GFOD1: variants seen among roughly 807,000 people sequenced by gnomAD.
GFOD1 encodes the protein glucose-fructose oxidoreductase domain-containing protein 1.
In GFOD1, 9 loss-of-function variants were observed where a neutral mutation model predicts 25.4. The observed-to-expected ratio is 0.35, with a 90% CI of 0.21 to 0.62. The LOEUF is 0.62. GFOD1 is among the 20% of genes least tolerant of loss of function. The probability of loss-of-function intolerance (pLI) is 0.72; values close to 1 mark genes in which losing one functional copy is unlikely to be tolerated. For synonymous variants in GFOD1, 253 were observed against 245.6 expected (o/e 1.03, Z -0.28); for missense variants, 403 against 556.9 (o/e 0.72, Z 2.78).
intron 1 of GFOD1, among the ~76,000 whole-genome samples, chr6:13,399,233 G>T (rs924739916): frequency 6.6e-6 from 1 of 152,006 alleles, no homozygotes; most frequent in African/African-American, 2.4e-5. Context: ...GACTGGTCTC[G>T]AACTCCTGGA....
intron 1 of GFOD1, among the ~76,000 whole-genome samples, chr6:13,424,104 C>T (rs1014485136): frequency 2.6e-5 from 4 of 152,138 alleles, no homozygotes; most frequent in Non-Finnish European, 4.4e-5. Context: ...GTGATCCACC[C>T]GCCTCAGCCT....
rs1757723603 is a variant in GFOD1, at chr6:13,430,194, T to G, written c.253+56444A>C. Among the ~76,000 whole-genome samples the G allele has an allele frequency of 6.6e-6, 1 of 152,130 alleles. No homozygotes were observed. The highest frequency in any genetic ancestry group is 1.5e-5 in the Non-Finnish European group (1 of 68,020). ...GCTCATGCCTGTAACCCCAGCACTT[T>G]GGGAAGCAGAGGCGGGTGGATGACT... On this transcript the variant is annotated intron_variant, in intron 1 of 1. Coordinates refer to ENST00000379287, the MANE Select transcript of GFOD1 (RefSeq NM_018988.4). This position sits in a 1 kb window ranked among gnomAD's most constrained non-coding sequence, Gnocchi z 4.1.
chr6:13,372,069 C>A (rs146792888), intron 1 of GFOD1, among the ~76,000 whole-genome samples: 1 of 152,220 alleles, frequency 6.6e-6, no homozygotes, highest in African/African-American at 2.4e-5. Flanking sequence ...CTTGAACCAA[C>A]TTAAAATTTT....
chr6:13,431,409 C>T (rs1333572511), intron 1 of GFOD1, among the ~76,000 whole-genome samples: 10 of 152,236 alleles, frequency 6.6e-5, no homozygotes, highest in African/African-American at 1.9e-4. Context: ...ATTCTCTCCT[C>T]GTCCAAAAGG....
At chr6:13,366,600 C>T (rs1034047217) in intron 1 of GFOD1, among the ~76,000 whole-genome samples, 1 of 151,690 alleles carries the variant, frequency 6.6e-6, no homozygotes, top group Non-Finnish European at 1.5e-5. Flanking sequence ...TCCCAAAGTT[C>T]TGGGATTACA....
At chr6:13,435,962 G>C (rs544425931) in intron 1 of GFOD1, among the ~76,000 whole-genome samples, 25 of 152,152 alleles carry the variant, frequency 1.6e-4, no homozygotes, top group Non-Finnish European at 2.6e-4. Flanking sequence ...TCTCTTACAT[G>C]AGTAGAATAT....
At chr6:13,425,883 A>G (rs1490248299) in intron 1 of GFOD1, among the ~76,000 whole-genome samples, 3 of 151,338 alleles carry the variant, frequency 2.0e-5, no homozygotes, top group Admixed American at 6.6e-5. Flanking sequence ...AAAAAAAAAA[A>G]AAGAAGAAGA....
At chr6:13,441,745 A>T (rs1294647580) in intron 1 of GFOD1, among the ~76,000 whole-genome samples, 1 of 152,252 alleles carries the variant, frequency 6.6e-6, no homozygotes, top group East Asian at 1.9e-4. Context: ...ATATCACCAA[A>T]CTTCTAAATA....
At chr6:13,469,885 A>G (rs1758453494) in intron 1 of GFOD1, 3 of 1,267,808 alleles carry the variant, frequency 2.4e-6, no homozygotes, top group Non-Finnish European at 3.1e-6. Flanking sequence ...TCTCACACCA[A>G]ATCTGGCACA....
intron 1 of GFOD1, among the ~76,000 whole-genome samples, chr6:13,418,999 C>T (rs1442200001): frequency 6.6e-6 from 1 of 152,168 alleles, no homozygotes; most frequent in Non-Finnish European, 1.5e-5. Flanking sequence ...GTTTCCTGGT[C>T]AGATCATGGA....
chr6:13,454,574 C>CA (rs777800707), intron 1 of GFOD1, among the ~76,000 whole-genome samples: 2 of 152,146 alleles, frequency 1.3e-5, no homozygotes, highest in Non-Finnish European at 2.9e-5. Flanking sequence ...ACTAGAAACC[C>CA]AAAAAACCAA....
At chr6:13,422,875 G>C (rs571443133) in intron 1 of GFOD1, among the ~76,000 whole-genome samples, 1 of 152,294 alleles carries the variant, frequency 6.6e-6, no homozygotes, top group South Asian at 2.1e-4. Context: ...CTGGAAATTC[G>C]GTGTGGCGAG....
intron 1 of GFOD1, among the ~76,000 whole-genome samples, chr6:13,455,831 C>T (rs929255316): frequency 2.0e-5 from 3 of 152,190 alleles, no homozygotes; most frequent in Middle Eastern, 3.2e-3. Context: ...ACTCATTACC[C>T]GGAGCATCCT....
chr6:13,428,748 G>T (rs1179902736), intron 1 of GFOD1, among the ~76,000 whole-genome samples: 4 of 152,106 alleles, frequency 2.6e-5, no homozygotes, highest in Non-Finnish European at 5.9e-5. Context: ...GTACTTCTGC[G>T]GCCACTCTCA....
chr6:13,469,311 T>C (rs1758435389), intron 1 of GFOD1: 8 of 982,860 alleles, frequency 8.1e-6, no homozygotes, highest in Non-Finnish European at 9.7e-6. Flanking sequence ...TATTTTAGCC[T>C]CTTCAAAAAT....
chr6:13,391,675 C>T (rs1431389713), intron 1 of GFOD1, among the ~76,000 whole-genome samples: 1 of 152,124 alleles, frequency 6.6e-6, no homozygotes. Context: ...TGCCAGCAGG[C>T]GAGCCAGACC....
rs1205203384 is a variant in GFOD1, at chr6:13,365,589, G to A, written c.327C>T (p.His109=). The change falls in exon 2 of 2, where the codon CAC becomes CAT. Residue 109 remains histidine (H), a synonymous_variant. Transcript: ENST00000379287. This position sits in a 1 kb window ranked among gnomAD's most constrained non-coding sequence, Gnocchi z 9.2. ...TGATGCTCATGAGCTTGGGGTAGTA[G>A]TGGGCGGCCGAGGTCATGCGGAAAG... ...LDAFRMTSAA[H]YYPKLMSIMG... is the part of the protein sequence containing the mutation. 6.2e-7 allele frequency: 1 copy of A among 1,607,596 alleles called. No individual in the cohort carries two copies. The highest frequency in any genetic ancestry group is 1.6e-4 in the Middle Eastern group (1 of 6,062).
At chr6:13,370,751 T>C (rs1027875956) in intron 1 of GFOD1, among the ~76,000 whole-genome samples, 2 of 152,052 alleles carry the variant, frequency 1.3e-5, no homozygotes, top group Admixed American at 6.6e-5. Context: ...GTAGGTGGAT[T>C]AGTGTGGCAC....
intron 1 of GFOD1, among the ~76,000 whole-genome samples, chr6:13,391,183 T>C (rs1785597556): frequency 6.6e-6 from 1 of 152,158 alleles, no homozygotes; most frequent in Non-Finnish European, 1.5e-5. Context: ...TTTGTTTGAG[T>C]GAAGGTAGAA....
Sources: allele counts gnomAD v4.1 joint callset (sites outside exome capture counted in the v4.1 genomes callset), GRCh38; gene constraint gnomAD v4.1.1; non-coding constraint Gnocchi (gnomAD v3.1); transcripts MANE v1.5; gene names NCBI Gene and HGNC (gene_info 2026-07-23, HGNC 2026-07-21).